The following MAP3K3 variants were observed in gnomAD, a reference collection of about 807,000 sequenced individuals.
The protein encoded by MAP3K3 is MAP/ERK kinase kinase 3.
MAP3K3 carries 12 observed loss-of-function variants against 80.9 expected under a neutral mutation model. The observed-to-expected ratio is 0.15, with a 90% confidence interval of 0.10 to 0.24. The LOEUF is 0.24. Among genes scored for constraint, MAP3K3 ranks in the 10% least tolerant of loss-of-function variants. MAP3K3 has a pLI of 1.00. For missense variants in MAP3K3, 596 were observed against 834.7 expected (o/e 0.71, Z 3.52); for synonymous variants, 272 against 307.1 (o/e 0.89, Z 1.19).
chr17:63,638,165 T>C (rs1305898476), intron 2 of MAP3K3, among the ~76,000 whole-genome samples: 2 of 152,228 alleles, frequency 1.3e-5, no homozygotes, highest in Admixed American at 1.3e-4. Flanking sequence ...AATCGTCTCT[T>C]CCACTGATCT....
At chr17:63,669,163 C>T (rs936191543) in intron 6 of MAP3K3, among the ~76,000 whole-genome samples, 1 of 152,156 alleles carries the variant, frequency 6.6e-6, no homozygotes, top group Non-Finnish European at 1.5e-5. Flanking sequence ...TGATTTCTAA[C>T]TGGAATGATC....
chr17:63,636,860 TC>T, intron 2 of MAP3K3: 1 of 376,036 alleles, frequency 2.7e-6, no homozygotes, highest in Admixed American at 3.7e-5. Context: ...AAGTCCTCCA[TC>T]CCGCTGGACA....
rs551689268 is a variant in MAP3K3 at position 63,692,948 on chromosome 17, G to A, written c.1652+529G>A. 6.6e-6 allele frequency among the ~76,000 whole-genome samples: 1 copy of A among 152,280 alleles called. No homozygotes were observed. Among genetic ancestry groups the A allele is most frequent in the African/African-American group, 2.4e-5 (1 of 41,550 alleles). On this transcript the variant is annotated intron_variant, in intron 15 of 15. Transcript: ENST00000361733. The surrounding 1 kb of genome is among the most constrained non-coding windows in gnomAD (Gnocchi z 4.5). Reference sequence around the variant, plus strand: ...CCTTTGCAGATAGGATTAGGTTAAGGGTTTTGAGATGGATGGATTATCCTG... The same window carrying A: ...CCTTTGCAGATAGGATTAGGTTAAGAGTTTTGAGATGGATGGATTATCCTG...
rs116654575 is a variant in MAP3K3 at position 63,653,457 on chromosome 17, T to G, written c.267+801T>G. On this transcript the variant is annotated intron_variant, in intron 4 of 15. Coordinates refer to ENST00000361733, the MANE Select transcript of MAP3K3 (RefSeq NM_002401.5). ...ATTTGATGAGGAGTTAAAATTTTTC[T>G]TTTAGTAAAGACTTTTCTGAATCAT... Among the ~76,000 whole-genome samples, 1,291 of 152,376 alleles carry G rather than the reference T, an allele frequency of 8.5e-3. 23 individuals are homozygous for G. Among genetic ancestry groups the G allele is most frequent in the African/African-American group, 0.029 (1,204 of 41,596 alleles).
In MAP3K3 at chr17:63,632,713, G is replaced by A; in HGVS notation, c.37G>A (p.Asp13Asn). 1 of 1,614,046 alleles carries A rather than the reference G, an allele frequency of 6.2e-7. No homozygotes were observed. The highest frequency in any genetic ancestry group is 8.5e-7 in the Non-Finnish European group (1 of 1,179,972). ...GGAGGCATTGAACTCAATCATGAAC[G>A]ATCTGGTGGCCCTCCAGATGAACCG... ...EQEALNSIMN[D>N]LVALQMNRRH... is the part of the protein sequence containing the mutation. The change falls in exon 2 of 16, where the codon GAT becomes AAT. Residue 13 changes from aspartate to asparagine, a missense_variant. By Grantham distance (23) the Asp-to-Asn change is conservative. Coordinates refer to ENST00000361733, the MANE Select transcript of MAP3K3 (RefSeq NM_002401.5).
At chr17:63,663,097 ATGT>A (rs1370392849) in intron 5 of MAP3K3, among the ~76,000 whole-genome samples, 6 of 152,164 alleles carry the variant, frequency 3.9e-5, no homozygotes, top group Non-Finnish European at 8.8e-5. Context: ...AACTTGTGAG[ATGT>A]TGTATCATTC....
chr17:63,625,140 C>CA (rs2034073791), intron 1 of MAP3K3, among the ~76,000 whole-genome samples: 2 of 152,198 alleles, frequency 1.3e-5, no homozygotes, highest in South Asian at 4.1e-4. Context: ...GGTTAAGTAA[C>CA]AGTCACATTT....
chr17:63,689,496 G>A lies in MAP3K3; in HGVS notation c.872-48G>A, dbSNP rs576735136. 65 of 1,547,678 alleles carry A rather than the reference G, an allele frequency of 4.2e-5. No homozygotes were observed. The highest frequency in any genetic ancestry group is 1.7e-4 in the Middle Eastern group (1 of 5,886). On this transcript the variant is annotated intron_variant, in intron 10 of 15. Transcript: ENST00000361733. This position sits in a 1 kb window ranked among gnomAD's most constrained non-coding sequence, Gnocchi z 4.3. ...AGACCTGGTTTGTACGTTCCGCCTC[G>A]TAGCCTGGGGTGTGACTTGCTCTCC...
At chr17:63,627,419 T>C (rs1358833698) in intron 1 of MAP3K3, among the ~76,000 whole-genome samples, 6 of 152,092 alleles carry the variant, frequency 3.9e-5, no homozygotes, top group Non-Finnish European at 7.4e-5. Context: ...CTACCTCAAC[T>C]TGTTCACGTG....
chr17:63,658,082 GAA>G (rs2034809570), intron 5 of MAP3K3, among the ~76,000 whole-genome samples, 175 bp downstream of exon 5: 1 of 152,166 alleles, frequency 6.6e-6, no homozygotes, highest in African/African-American at 2.4e-5. Flanking sequence ...TGATTTCACC[GAA>G]AAGCCAGATT....
intron 5 of MAP3K3, among the ~76,000 whole-genome samples, chr17:63,665,480 A>G (rs1361142345): frequency 6.6e-6 from 1 of 152,018 alleles, no homozygotes; most frequent in Non-Finnish European, 1.5e-5. Flanking sequence ...AGATTTTTTA[A>G]TTGAGGGTTT....
At position 63,632,628 on chromosome 17, in the gene MAP3K3, C is replaced by CT. The variant is rs2034239532; in HGVS notation, c.5-50dup. 4 of 1,603,738 alleles carry CT rather than the reference C, an allele frequency of 2.5e-6. No individual in the cohort carries two copies. The Admixed American group carries it at 6.7e-5, about 27-fold the overall frequency. On this transcript the variant is annotated intron_variant, in intron 1 of 15. Transcript: ENST00000361733. ...ATTAGTTATACAGTTTGTGAAAGAGCTTTGCTGGTCTGTATTTAAGTGTCT... is the reference window on the plus strand; with the variant it reads ...ATTAGTTATACAGTTTGTGAAAGAGCTTTTGCTGGTCTGTATTTAAGTGTCT...
chr17:63,627,391 T>C (rs995944916), intron 1 of MAP3K3, among the ~76,000 whole-genome samples: 5 of 152,122 alleles, frequency 3.3e-5, no homozygotes, highest in Non-Finnish European at 7.4e-5. Context: ...TTTTCAAAGT[T>C]ATAAGCACAC....
chr17:63,684,664 A>C (rs962492109), intron 7 of MAP3K3, among the ~76,000 whole-genome samples: 2 of 152,206 alleles, frequency 1.3e-5, no homozygotes, highest in Non-Finnish European at 2.9e-5. Flanking sequence ...TAATTAAAAA[A>C]ATATTTAAAC....
At chr17:63,643,700 C>A (rs1318533186) in intron 2 of MAP3K3, among the ~76,000 whole-genome samples, 1 of 152,078 alleles carries the variant, frequency 6.6e-6, no homozygotes, top group Non-Finnish European at 1.5e-5. Flanking sequence ...GGATGTATAA[C>A]CCTCCCACAG....
intron 5 of MAP3K3, among the ~76,000 whole-genome samples, chr17:63,662,474 T>C (rs1403042694): frequency 6.6e-6 from 1 of 151,896 alleles, no homozygotes; most frequent in Non-Finnish European, 1.5e-5. Flanking sequence ...TTTCACTTGA[T>C]TTTTACAACT....
intron 6 of MAP3K3, among the ~76,000 whole-genome samples, chr17:63,675,146 T>C (rs548734462): frequency 3.9e-5 from 6 of 152,204 alleles, no homozygotes; most frequent in Non-Finnish European, 8.8e-5. Flanking sequence ...ATTTTGAAAG[T>C]TGAAACATAG....
intron 1 of MAP3K3, among the ~76,000 whole-genome samples, chr17:63,632,094 G>A (rs1029966949): frequency 8.5e-5 from 13 of 152,126 alleles, no homozygotes; most frequent in African/African-American, 3.1e-4. Flanking sequence ...TCCTGGTTAA[G>A]TTTCTCTGGC....
At chr17:63,671,185 TG>T (rs1203976814) in intron 6 of MAP3K3, among the ~76,000 whole-genome samples, 1 of 151,946 alleles carries the variant, frequency 6.6e-6, no homozygotes, top group African/African-American at 2.4e-5. Flanking sequence ...GGCGTTTTGG[TG>T]GTTCTCAAAG....
Sources: gnomAD v4.1 joint callset for allele counts (sites outside exome capture counted in the v4.1 genomes callset) on GRCh38, gnomAD v4.1.1 for gene constraint, Gnocchi (gnomAD v3.1) non-coding constraint, MANE v1.5 for transcripts, NCBI Gene and HGNC (gene_info 2026-07-23, HGNC 2026-07-21) for gene names.